Variants in STK3 observed in about 807,000 individuals in gnomAD.
The protein encoded by STK3 is serine/threonine kinase 3.
In STK3, 41 loss-of-function variants were observed where a neutral mutation model predicts 58.0. The observed-to-expected ratio is 0.71, with a 90% CI of 0.55 to 0.92. STK3 has a LOEUF of 0.92. Among genes scored for constraint, STK3 ranks in the 40% least tolerant of loss-of-function variants. The pLI, the probability that STK3 is intolerant of heterozygous loss-of-function variation, is 0.00. For synonymous variants in STK3, 170 were observed against 191.0 expected (o/e 0.89, Z 0.91); for missense variants, 479 against 602.7 (o/e 0.79, Z 2.15).
downstream of STK3, among the ~76,000 whole-genome samples, chr8:98,371,083 A>G (rs1817605497): frequency 6.6e-6 from 1 of 152,198 alleles, no homozygotes; most frequent in South Asian, 2.1e-4. Flanking sequence ...AGCACCCAGG[A>G]CAGAAAAGAA....
rs557122459 is a variant in STK3, at chr8:98,508,844, C to T, written c.1317+17898G>A. On this transcript the variant is annotated intron_variant, in intron 10 of 10. Transcript: ENST00000419617. The stretch of plus-strand genomic sequence containing the variant: ...AGCAAAATTATTAGGATTCTAAAAA[C>T]TTTCAAATAAATATTTTAACTGCAT... Among the ~76,000 whole-genome samples the T allele has an allele frequency of 1.1e-4, 17 of 148,596 alleles. No homozygotes were observed. The East Asian group carries it at 3.3e-3, about 29-fold the overall frequency.
Position 98,903,542 on chromosome 8 carries a change from T to C in STK3, c.-78-19708A>G, listed in dbSNP as rs866390293. On this transcript the variant is annotated intron_variant, in intron 1 of 1. Transcript: ENST00000519420. ...CTTCTTCTTCTTCTTCTTCTTCTTC[T>C]TCTTCTTCTTCTTCCTTTTTTTTTT... 8.5e-3 allele frequency among the ~76,000 whole-genome samples: 218 copies of C among 25,730 alleles called. 9 individuals are homozygous for C. Among genetic ancestry groups the C allele is most frequent in the African/African-American group, 0.036 (163 of 4,510 alleles). The allele number at this position is 25,730 out of a possible 152,430, so 16.9% of individuals were successfully genotyped here.
intron 7 of STK3, among the ~76,000 whole-genome samples, chr8:98,589,404 C>T (rs1378936421): frequency 1.3e-5 from 2 of 152,244 alleles, no homozygotes; most frequent in Non-Finnish European, 2.9e-5. Context: ...CCCAGTTAGG[C>T]TGCCCGGGGG....
intron 6 of STK3, among the ~76,000 whole-genome samples, chr8:98,609,452 G>A (rs749778638): frequency 3.3e-5 from 5 of 151,982 alleles, no homozygotes; most frequent in Non-Finnish European, 4.4e-5. Flanking sequence ...ACTTTACACT[G>A]CATTAGCTAT....
intron 10 of STK3, among the ~76,000 whole-genome samples, chr8:98,506,911 C>T (rs958428059): frequency 9.2e-5 from 14 of 152,062 alleles, no homozygotes; most frequent in Admixed American, 5.2e-4. Flanking sequence ...AGGTTTAGCC[C>T]CGTTAAGATT....
chr8:98,929,094 C>G (rs750529514), intron 1 of STK3, among the ~76,000 whole-genome samples: 1 of 151,832 alleles, frequency 6.6e-6, no homozygotes, highest in Non-Finnish European at 1.5e-5. Flanking sequence ...GGTGAAACCC[C>G]GTCTCTACTA....
chr8:98,886,720 CCTA>C (rs1274057219), intron 1 of STK3, among the ~76,000 whole-genome samples: 8 of 152,218 alleles, frequency 5.3e-5, no homozygotes, highest in African/African-American at 1.9e-4. Flanking sequence ...TCCAGGACAC[CCTA>C]AAATCCACAA....
chr8:98,741,903 C>A (rs1434006642), intron 4 of STK3, among the ~76,000 whole-genome samples: 1 of 152,150 alleles, frequency 6.6e-6, no homozygotes, highest in Non-Finnish European at 1.5e-5. Context: ...GGGGATATCA[C>A]GACCGATCCC....
intron 6 of STK3, among the ~76,000 whole-genome samples, chr8:98,681,160 G>A (rs1258747419): frequency 6.6e-6 from 1 of 151,774 alleles, no homozygotes; most frequent in Non-Finnish European, 1.5e-5. Flanking sequence ...CACCACACAC[G>A]GCTAATTTTT....
At chr8:98,519,938 T>G (rs1825225972) in intron 10 of STK3, among the ~76,000 whole-genome samples, 1 of 152,176 alleles carries the variant, frequency 6.6e-6, no homozygotes. Flanking sequence ...TCTTTCTTTT[T>G]TAAAATTTGG....
At chr8:98,523,937 G>A (rs1943692209) in intron 10 of STK3, among the ~76,000 whole-genome samples, 1 of 152,166 alleles carries the variant, frequency 6.6e-6, no homozygotes, top group Non-Finnish European at 1.5e-5. Flanking sequence ...TAAATCCAAT[G>A]TCACGAAGTT....
chr8:98,694,504 C>T (rs545121070), intron 6 of STK3, among the ~76,000 whole-genome samples: 1 of 152,102 alleles, frequency 6.6e-6, no homozygotes, highest in Non-Finnish European at 1.5e-5. Flanking sequence ...TCCCCACTCC[C>T]CGCACCCCAG....
At chr8:98,429,119 G>T (rs1474222066) in intron 3 of STK3, 1 of 1,613,316 alleles carries the variant, frequency 6.2e-7, no homozygotes, top group Non-Finnish European at 8.5e-7. Context: ...ACGGGGATGT[G>T]GTCCCAGGGA....
intron 1 of STK3, among the ~76,000 whole-genome samples, chr8:98,915,261 C>A (rs1839298995): frequency 6.6e-6 from 1 of 151,672 alleles, no homozygotes. Flanking sequence ...GAGAGACTGG[C>A]CTAACCTCCC....
intron 10 of STK3, among the ~76,000 whole-genome samples, chr8:98,462,198 A>T (rs946140913): frequency 1.3e-5 from 2 of 151,526 alleles, no homozygotes; most frequent in African/African-American, 4.8e-5. Context: ...TTTATTTTTT[A>T]TTTTTTTTGA....
At chr8:98,725,224 G>A (rs1587428985) in intron 4 of STK3, among the ~76,000 whole-genome samples, 2 of 152,212 alleles carry the variant, frequency 1.3e-5, no homozygotes, top group East Asian at 3.9e-4. Flanking sequence ...AAACGGTAAG[G>A]TATAAAACAT....
intron 4 of STK3, among the ~76,000 whole-genome samples, chr8:98,739,472 CCCA>C (rs1428917568): frequency 6.7e-6 from 1 of 150,322 alleles, no homozygotes; most frequent in Non-Finnish European, 1.5e-5. Context: ...GCTGCTGGTA[CCCA>C]GGCAAACAGA....
chr8:98,894,335 C>T (rs1265162044), intron 1 of STK3, among the ~76,000 whole-genome samples: 1 of 152,182 alleles, frequency 6.6e-6, no homozygotes, highest in Non-Finnish European at 1.5e-5. Context: ...TGTTATCTTA[C>T]CTTCCTCCAA....
intron 4 of STK3, among the ~76,000 whole-genome samples, chr8:98,710,453 C>T (rs1826314089): frequency 1.3e-5 from 2 of 152,318 alleles, no homozygotes; most frequent in Admixed American, 6.5e-5. Context: ...TAATACTGTG[C>T]TTTTCCAATG....
Sources: gnomAD v4.1 joint callset for allele counts (sites outside exome capture counted in the v4.1 genomes callset) on GRCh38, gnomAD v4.1.1 for gene constraint, MANE v1.5 for transcripts, NCBI Gene and HGNC (gene_info 2026-07-23, HGNC 2026-07-21) for gene names.